Variants in DNER observed in about 807,000 individuals in gnomAD.
The protein encoded by DNER is delta and Notch-like epidermal growth factor-related receptor.
DNER carries 33 observed loss-of-function variants against 78.2 expected under a neutral mutation model. That is an observed-to-expected ratio of 0.42 (90% confidence interval 0.32 to 0.56). DNER has a LOEUF of 0.56. Among genes scored for constraint, DNER ranks in the 20% least tolerant of loss-of-function variants. The pLI, the probability that DNER is intolerant of heterozygous loss-of-function variation, is 0.11. For missense variants in DNER, 918 were observed against 975.3 expected (o/e 0.94, Z 0.78); for synonymous variants, 417 against 384.8 (o/e 1.08, Z -0.98).
chr2:229,498,934 A>G (rs1250032984), intron 6 of DNER, among the ~76,000 whole-genome samples: 2 of 152,248 alleles, frequency 1.3e-5, no homozygotes, highest in African/African-American at 4.8e-5. Context: ...TGGAACCACA[A>G]AAGACTCCAA....
At chr2:229,699,227 AAG>A (rs202071196) in intron 1 of DNER, among the ~76,000 whole-genome samples, 6 of 147,638 alleles carry the variant, frequency 4.1e-5, no homozygotes, top group South Asian at 2.2e-4. Context: ...TCTTAAAAAA[AAG>A]AATCTTGATA....
At chr2:229,593,388 C>T (rs1015994408) in intron 1 of DNER, among the ~76,000 whole-genome samples, 16 of 152,174 alleles carry the variant, frequency 1.1e-4, no homozygotes, top group Non-Finnish European at 1.9e-4. Flanking sequence ...AGACGTTGCA[C>T]GGCTTTCTTC....
At chr2:229,415,224 T>C (rs1385941376) in intron 9 of DNER, among the ~76,000 whole-genome samples, 2 of 151,956 alleles carry the variant, frequency 1.3e-5, no homozygotes, top group South Asian at 2.1e-4. Context: ...GTCTCTGTCA[T>C]AGTTGCTAGC....
At chr2:229,493,446 T>C (rs1194701041) in intron 6 of DNER, among the ~76,000 whole-genome samples, 1 of 152,176 alleles carries the variant, frequency 6.6e-6, no homozygotes, top group Non-Finnish European at 1.5e-5. Flanking sequence ...TAATCAGCCA[T>C]TGTGTGTTTA....
At chr2:229,667,488 AT>A (rs1699113057) in intron 1 of DNER, among the ~76,000 whole-genome samples, 1 of 151,886 alleles carries the variant, frequency 6.6e-6, no homozygotes, top group African/African-American at 2.4e-5. Context: ...GACATCCTTA[AT>A]GACTATTACA....
chr2:229,430,372 G>C (rs771348662), intron 8 of DNER, among the ~76,000 whole-genome samples: 3 of 152,174 alleles, frequency 2.0e-5, no homozygotes, highest in Non-Finnish European at 4.4e-5. Flanking sequence ...TTCTAGCTGT[G>C]TCTGTGAGTC....
At position 229,665,077 on chromosome 2, in the gene DNER, T is replaced by C. The variant is rs189932743; in HGVS notation, c.276+49071A>G. ...TATCAGGTCACACATTACTGAGCAATATAAACTTCATTAGGGCTAATTTTC... is the reference window on the plus strand; with the variant it reads ...TATCAGGTCACACATTACTGAGCAACATAAACTTCATTAGGGCTAATTTTC... On this transcript the variant is annotated intron_variant, in intron 1 of 12. Transcript: ENST00000341772. Among the ~76,000 whole-genome samples the C allele has an allele frequency of 3.4e-4, 51 of 152,222 alleles. No homozygotes were observed. The East Asian group carries it at 9.3e-3, about 28-fold the overall frequency.
intron 11 of DNER, among the ~76,000 whole-genome samples, chr2:229,380,680 A>C (rs1427379393): frequency 1.3e-5 from 2 of 152,136 alleles, no homozygotes; most frequent in African/African-American, 4.8e-5. Context: ...TAATCCCAGC[A>C]CTTTGGGAGG....
intron 1 of DNER, among the ~76,000 whole-genome samples, chr2:229,608,955 G>A (rs1009510999): frequency 2.0e-5 from 3 of 152,124 alleles, no homozygotes; most frequent in Non-Finnish European, 2.9e-5. Flanking sequence ...GGGCACAGTG[G>A]CTCACGCCTG....
chr2:229,541,395 T>C (rs757178746), intron 5 of DNER, among the ~76,000 whole-genome samples: 2 of 152,196 alleles, frequency 1.3e-5, no homozygotes, highest in Non-Finnish European at 2.9e-5. Flanking sequence ...AGATATTTGG[T>C]CAAACATCAT....
At chr2:229,515,580 T>C (rs1307236688) in intron 5 of DNER, among the ~76,000 whole-genome samples, 1 of 152,166 alleles carries the variant, frequency 6.6e-6, no homozygotes, top group African/African-American at 2.4e-5. Flanking sequence ...ATGGAAAATA[T>C]GCTGCTTATG....
chr2:229,369,810 A>G (rs2396644), intron 11 of DNER, among the ~76,000 whole-genome samples: 122,515 of 152,142 alleles, frequency 0.81, 49,677 homozygotes, highest in East Asian at 0.94. Context: ...AGATTTGAAA[A>G]GAAATTGTGG....
Position 229,407,216 on chromosome 2 carries a change from C to G in DNER, c.1723+16G>C, listed in dbSNP as rs762310729. 1 of 1,593,712 alleles carries G rather than the reference C, an allele frequency of 6.3e-7. No individual in the cohort carries two copies. Among genetic ancestry groups the G allele is most frequent in the Non-Finnish European group, 8.6e-7 (1 of 1,164,034 alleles). On this transcript the variant is annotated intron_variant, in intron 10 of 12. Coordinates refer to ENST00000341772, the MANE Select transcript of DNER (RefSeq NM_139072.4). ...TTTGTGGTAAATTTGAAAACTCAGT[C>G]CCTGGAATCACTTGCCTGTAAACCC...
intron 7 of DNER, among the ~76,000 whole-genome samples, chr2:229,463,651 G>A (rs373874034): frequency 6.6e-6 from 1 of 152,068 alleles, no homozygotes; most frequent in South Asian, 2.1e-4. Flanking sequence ...TGTTGCCCAG[G>A]CTTGTCTTGA....
At chr2:229,628,032 T>C (rs1288699362) in intron 1 of DNER, among the ~76,000 whole-genome samples, 7 of 152,120 alleles carry the variant, frequency 4.6e-5, no homozygotes, top group African/African-American at 1.7e-4. Context: ...CTCTGACCAA[T>C]AGAGCAGGGT....
intron 9 of DNER, among the ~76,000 whole-genome samples, chr2:229,416,782 T>A (rs1439263852): frequency 6.6e-6 from 1 of 152,178 alleles, no homozygotes; most frequent in Non-Finnish European, 1.5e-5. Context: ...AATCTTCAGA[T>A]GACCCCATTC....
rs76730433 is a variant in DNER, at chr2:229,680,789, A to G, written c.276+33359T>C. Reference sequence around the variant, plus strand: ...TTTCTCCTAAAAGTAATGATCACATAATTCTCTTTCAACAAGTATCTAAAT... The same window carrying G: ...TTTCTCCTAAAAGTAATGATCACATGATTCTCTTTCAACAAGTATCTAAAT... On this transcript the variant is annotated intron_variant, in intron 1 of 12. Coordinates refer to ENST00000341772, the MANE Select transcript of DNER (RefSeq NM_139072.4). 5.2e-3 allele frequency among the ~76,000 whole-genome samples: 792 copies of G among 152,350 alleles called. 9 individuals carry two copies. Among genetic ancestry groups the G allele is most frequent in the African/African-American group, 0.018 (729 of 41,578 alleles).
At chr2:229,682,456 T>A (rs954192850) in intron 1 of DNER, among the ~76,000 whole-genome samples, 2 of 152,218 alleles carry the variant, frequency 1.3e-5, no homozygotes, top group Non-Finnish European at 2.9e-5. Flanking sequence ...AGCCCACTGA[T>A]CCTGCTTCTT....
intron 11 of DNER, among the ~76,000 whole-genome samples, chr2:229,375,161 C>T (rs1261260948): frequency 2.6e-5 from 4 of 152,196 alleles, no homozygotes; most frequent in African/African-American, 9.7e-5. Context: ...ACCCAGGTTC[C>T]ATCAGAGATG....
Sources: allele counts gnomAD v4.1 joint callset (sites outside exome capture counted in the v4.1 genomes callset), GRCh38; gene constraint gnomAD v4.1.1; transcripts MANE v1.5; gene names NCBI Gene and HGNC (gene_info 2026-07-23, HGNC 2026-07-21).